EMCN: variants seen among roughly 807,000 people sequenced by gnomAD.
EMCN encodes endomucin.
EMCN carries 37 observed loss-of-function variants against 38.4 expected under a neutral mutation model. The observed-to-expected ratio is 0.96, with a 90% CI of 0.74 to 1.27. EMCN has a LOEUF of 1.27. Among genes scored for constraint, EMCN ranks in the 50% most tolerant of loss-of-function variants. The probability of loss-of-function intolerance (pLI) is 0.00; values close to 1 mark genes in which losing one functional copy is unlikely to be tolerated. For missense variants in EMCN, 318 were observed against 302.8 expected, an observed-to-expected ratio of 1.05 and a Z score of -0.37; for synonymous variants, 95 against 100.8, an observed-to-expected ratio of 0.94 and a Z score of 0.35.
chr4:100,466,186 T>A (rs1728310983), intron 3 of EMCN, among the ~76,000 whole-genome samples: 1 of 152,142 alleles, frequency 6.6e-6, no homozygotes. Flanking sequence ...TTTGCCCATA[T>A]ATTCTGAAAA....
intron 5 of EMCN, among the ~76,000 whole-genome samples, chr4:100,435,426 A>G (rs1420477598): frequency 6.6e-6 from 1 of 152,212 alleles, no homozygotes; most frequent in Non-Finnish European, 1.5e-5. Flanking sequence ...GGAAGAATCA[A>G]TATTGTGAAA....
At chr4:100,405,883 T>C (rs895610963) in intron 11 of EMCN, among the ~76,000 whole-genome samples, 1 of 152,006 alleles carries the variant, frequency 6.6e-6, no homozygotes, top group Admixed American at 6.6e-5. Context: ...GGTTTTTTTA[T>C]TACTGATTCA....
intron 7 of EMCN, among the ~76,000 whole-genome samples, 194 bp downstream of exon 7, chr4:100,422,827 T>A (rs1289182058): frequency 6.7e-6 from 1 of 150,080 alleles, no homozygotes; most frequent in African/African-American, 2.4e-5. Context: ...CTTTTCTTTT[T>A]TTTTTTTTTT....
At chr4:100,482,071 G>T (rs978804397) in intron 1 of EMCN, among the ~76,000 whole-genome samples, 2 of 151,976 alleles carry the variant, frequency 1.3e-5, no homozygotes, top group African/African-American at 4.8e-5. Context: ...CTTTCAGTCT[G>T]GTAGGAAATA....
chr4:100,509,544 G>C (rs1234414885), intron 1 of EMCN, among the ~76,000 whole-genome samples: 1 of 152,154 alleles, frequency 6.6e-6, no homozygotes, highest in East Asian at 1.9e-4. Context: ...ATCCTGGGGA[G>C]AGTGCCCAAG....
intron 3 of EMCN, among the ~76,000 whole-genome samples, chr4:100,467,654 C>G (rs976408576): frequency 1.5e-5 from 2 of 130,462 alleles, no homozygotes; most frequent in Non-Finnish European, 3.1e-5. Context: ...TGCAGTCCAG[C>G]TTGGGCGAAA....
Position 100,465,412 on chromosome 4 carries a change from C to A in EMCN, c.376+11G>T. ...CTAGTTTAACACTTCAGCACAAATC[C>A]TCATACTTACTCTTGGGTTTGGAAC... is the stretch of plus-strand genomic sequence containing the variant. On this transcript the variant is annotated intron_variant, in intron 4 of 11. Transcript: ENST00000296420. 1 of 1,514,596 alleles carries A rather than the reference C, an allele frequency of 6.6e-7. No individual in the cohort carries two copies. Among genetic ancestry groups the A allele is most frequent in the South Asian group, 1.2e-5 (1 of 84,322 alleles). 93.8% of individuals were successfully genotyped at this position (1,514,596 alleles called of 1,614,324 possible).
At chr4:100,422,875 G>A in intron 7 of EMCN, 146 bp downstream of exon 7, 1 of 556,584 alleles carries the variant, frequency 1.8e-6, no homozygotes, top group Middle Eastern at 2.8e-4. Flanking sequence ...TTCAGAGCAG[G>A]CAGCAGTTAG....
At chr4:100,476,954 G>T (rs1224598212) in intron 2 of EMCN, among the ~76,000 whole-genome samples, 1 of 152,090 alleles carries the variant, frequency 6.6e-6, no homozygotes, top group Non-Finnish European at 1.5e-5. Context: ...AATCATACAA[G>T]AAATTTCCAA....
At chr4:100,445,001 A>T (rs1501080) in intron 5 of EMCN, among the ~76,000 whole-genome samples, 42,644 of 152,002 alleles carry the variant, frequency 0.28, 7,519 homozygotes, top group Non-Finnish European at 0.4. Context: ...TTCCTGCAGA[A>T]AGGGGTCTCT....
intron 3 of EMCN, among the ~76,000 whole-genome samples, chr4:100,467,075 G>A (rs1483474185): frequency 6.6e-6 from 1 of 152,102 alleles, no homozygotes; most frequent in Non-Finnish European, 1.5e-5. Context: ...AGCTGGGAAT[G>A]CAATGCCAAA....
chr4:100,511,465 T>TA (rs909875718), intron 1 of EMCN, among the ~76,000 whole-genome samples: 10 of 152,264 alleles, frequency 6.6e-5, no homozygotes, highest in Middle Eastern at 3.4e-3. Context: ...TCAATGGATT[T>TA]AAAAAAACAG....
intron 1 of EMCN, among the ~76,000 whole-genome samples, chr4:100,498,924 C>T (rs777251077): frequency 3.3e-5 from 5 of 152,024 alleles, no homozygotes; most frequent in Non-Finnish European, 7.4e-5. Context: ...TTTCATTATA[C>T]TACTATTTAG....
chr4:100,499,531 T>G (rs1729294755), intron 1 of EMCN, among the ~76,000 whole-genome samples: 3 of 152,224 alleles, frequency 2.0e-5, no homozygotes, highest in Non-Finnish European at 4.4e-5. Context: ...AAATCAAACT[T>G]AAGTGAATTA....
chr4:100,421,989 G>A (rs1048349787), intron 7 of EMCN, among the ~76,000 whole-genome samples: 1 of 151,750 alleles, frequency 6.6e-6, no homozygotes, highest in African/African-American at 2.4e-5. Flanking sequence ...TGTATTAAGA[G>A]GAAGAGTATT....
chr4:100,436,158 C>A (rs1396087609), intron 5 of EMCN, among the ~76,000 whole-genome samples: 2 of 151,144 alleles, frequency 1.3e-5, no homozygotes, highest in African/African-American at 2.4e-5. Flanking sequence ...CCAGACCCTA[C>A]AAGGAACTTA....
intron 4 of EMCN, among the ~76,000 whole-genome samples, chr4:100,462,539 A>C (rs565583193): frequency 3.5e-4 from 53 of 152,210 alleles, no homozygotes; most frequent in Non-Finnish European, 4.7e-4. Flanking sequence ...TTTGAGTCTA[A>C]TTTTCCAGAA....
At chr4:100,469,236 A>G (rs1311592273) in intron 3 of EMCN, among the ~76,000 whole-genome samples, 1 of 152,112 alleles carries the variant, frequency 6.6e-6, no homozygotes, top group Non-Finnish European at 1.5e-5. Context: ...AATCAACTCT[A>G]AATGGATAAA....
At chr4:100,475,259 T>G in intron 2 of EMCN, 150 bp from the exon 3 acceptor site, 1 of 343,628 alleles carries the variant, frequency 2.9e-6, no homozygotes, top group Non-Finnish European at 5.3e-6. Context: ...GTCTAAAGAA[T>G]ATATGTATAT....
Sources: allele counts gnomAD v4.1 joint callset (sites outside exome capture counted in the v4.1 genomes callset), GRCh38; gene constraint gnomAD v4.1.1; transcripts MANE v1.5; gene names NCBI Gene and HGNC (gene_info 2026-07-23, HGNC 2026-07-21).